PSPC1: variants seen among roughly 807,000 people sequenced by gnomAD.
PSPC1 encodes the protein paraspeckle component 1, also known as paraspeckle protein 1.
Under a neutral mutation model 51.6 loss-of-function variants are expected in PSPC1, and 14 were observed. That is an observed-to-expected ratio of 0.27 (90% CI 0.18 to 0.42). The LOEUF is 0.42. Ranked by LOEUF, PSPC1 falls within the 10% of genes least tolerant of loss-of-function variation. PSPC1 has a pLI of 1.00. For synonymous variants in PSPC1, 193 were observed against 231.9 expected, an observed-to-expected ratio of 0.83 and a Z score of 1.53; for missense variants, 406 against 701.1, an observed-to-expected ratio of 0.58 and a Z score of 4.75.
At chr13:19,781,919 T>A (rs920997154) in intron 1 of PSPC1, among the ~76,000 whole-genome samples, 22 of 152,160 alleles carry the variant, frequency 1.4e-4, no homozygotes, top group African/African-American at 5.1e-4. Flanking sequence ...CAGTGATACG[T>A]CTGGTCCGAC....
intron 6 of PSPC1, among the ~76,000 whole-genome samples, chr13:19,725,894 T>C (rs1310345470): frequency 3.3e-5 from 5 of 152,110 alleles, no homozygotes; most frequent in Non-Finnish European, 5.9e-5. Context: ...TATGCAGTGG[T>C]AGGCAACTGT....
At chr13:19,671,945 ATTC>A (rs942964516), downstream of PSPC1, 4 of 1,488,528 alleles carry the variant, frequency 2.7e-6, no homozygotes, top group Non-Finnish European at 3.7e-6. Context: ...GCAGTTTGGA[ATTC>A]TTCTAGCACA....
intron 5 of PSPC1, among the ~76,000 whole-genome samples, chr13:19,739,876 A>C (rs1176300924): frequency 6.6e-6 from 1 of 151,982 alleles, no homozygotes; most frequent in South Asian, 2.1e-4. Flanking sequence ...AAAAAAAAAA[A>C]AAAAACAGTA....
At position 19,682,827 on chromosome 13, in the gene PSPC1, C is replaced by T. The variant is rs74972923; in HGVS notation, c.1159-5004G>A. Among the ~76,000 whole-genome samples, 62 of 151,726 alleles carry T rather than the reference C, an allele frequency of 4.1e-4. 1 individual carries two copies. The East Asian group carries it at 9.3e-3, about 23-fold the overall frequency. ...GTATAATCCCAGCATTCTGGAAGGC[C>T]GAGGTGGGAGAATCACTTGAGCCCA... On this transcript the variant is annotated intron_variant and NMD_transcript_variant, in intron 6 of 7. Coordinates refer to the PSPC1 transcript ENST00000471658.
At chr13:19,762,536 G>T (rs1887693761) in intron 2 of PSPC1, among the ~76,000 whole-genome samples, 1 of 151,392 alleles carries the variant, frequency 6.6e-6, no homozygotes, top group Non-Finnish European at 1.5e-5. Flanking sequence ...CTCCAGCCAG[G>T]ATGATACAAC....
chr13:19,687,263 T>C (rs1274157071), intron 6 of PSPC1, among the ~76,000 whole-genome samples: 1 of 152,176 alleles, frequency 6.6e-6, no homozygotes, highest in Non-Finnish European at 1.5e-5. Context: ...TTCTTTGGGA[T>C]GTGCATTTCT....
At chr13:19,722,930 T>C (rs915426853) in intron 6 of PSPC1, among the ~76,000 whole-genome samples, 1 of 152,096 alleles carries the variant, frequency 6.6e-6, no homozygotes, top group African/African-American at 2.4e-5. Flanking sequence ...GCCAACATGG[T>C]GAAACCCCAT....
At chr13:19,699,988 A>G (rs1879710292), downstream of PSPC1, among the ~76,000 whole-genome samples, 1 of 152,002 alleles carries the variant, frequency 6.6e-6, no homozygotes. Flanking sequence ...GATGTGGCCC[A>G]TTTATTTTTC....
At chr13:19,730,969 A>AAAAAAAAAAC (rs1884023220) in intron 5 of PSPC1, among the ~76,000 whole-genome samples, 2 of 146,608 alleles carry the variant, frequency 1.4e-5, no homozygotes, top group African/African-American at 5.0e-5. Flanking sequence ...AAAAAACAAA[A>AAAAAAAAAAC]AAAAAAAAAA....
chr13:19,770,264 G>C (rs1249925206), intron 2 of PSPC1, among the ~76,000 whole-genome samples: 1 of 152,206 alleles, frequency 6.6e-6, no homozygotes, highest in Non-Finnish European at 1.5e-5. Flanking sequence ...GTAGAGTGCA[G>C]AATAACTGTA....
At chr13:19,737,100 C>CT (rs1884925105) in intron 5 of PSPC1, 2 of 152,142 alleles carry the variant, frequency 1.3e-5, no homozygotes, top group Non-Finnish European at 2.9e-5. Context: ...TTCACCCCTC[C>CT]TTAGGTAACC....
chr13:19,752,881 C>G (rs1886704833), intron 3 of PSPC1, among the ~76,000 whole-genome samples: 1 of 151,954 alleles, frequency 6.6e-6, no homozygotes, highest in South Asian at 2.1e-4. Context: ...CCACCGTGCC[C>G]AGCCTTTCTT....
chr13:19,733,238 G>C (rs146799325), intron 5 of PSPC1, among the ~76,000 whole-genome samples: 172 of 152,312 alleles, frequency 1.1e-3, no homozygotes, highest in African/African-American at 3.8e-3. Flanking sequence ...TGTTACAGAG[G>C]TGGATTACTA....
chr13:19,745,651 G>T (rs1368614207), intron 4 of PSPC1, among the ~76,000 whole-genome samples: 1 of 142,322 alleles, frequency 7.0e-6, no homozygotes, highest in Non-Finnish European at 1.5e-5. Flanking sequence ...TGGGAGTCTC[G>T]CTCTGTCGCC....
intron 4 of PSPC1, among the ~76,000 whole-genome samples, chr13:19,747,398 T>G (rs1383493798): frequency 6.6e-6 from 1 of 152,130 alleles, no homozygotes; most frequent in Non-Finnish European, 1.5e-5. Context: ...GTGGCATAAT[T>G]ACAGCTCACT....
downstream of PSPC1, among the ~76,000 whole-genome samples, chr13:19,700,800 T>C (rs1457418026): frequency 6.6e-6 from 1 of 152,148 alleles, no homozygotes; most frequent in Non-Finnish European, 1.5e-5. Context: ...ATATGACAAC[T>C]TCACACTTAC....
intron 6 of PSPC1, among the ~76,000 whole-genome samples, chr13:19,729,962 A>C (rs576331060): frequency 3.9e-5 from 6 of 152,224 alleles, no homozygotes; most frequent in Non-Finnish European, 8.8e-5. Context: ...AATGATGTAT[A>C]TATCAAGATT....
Position 19,741,619 on chromosome 13 carries a change from C to T in PSPC1, c.998G>A (p.Arg333His), listed in dbSNP as rs778803294. ...CTCTTGGTTTCTGAGTTCTTCCAAGCGTCTGAGTTCTTCTTGACGCCTCAT... is the reference window on the plus strand; with the variant it reads ...CTCTTGGTTTCTGAGTTCTTCCAAGTGTCTGAGTTCTTCTTGACGCCTCAT... ...DLMRRQEELR[R>H]LEELRNQELQ... The change falls in exon 5 of 9, where the codon CGC becomes CAC. Residue 333 changes from arginine to histidine, a missense_variant. By Grantham distance (29) the Arg-to-His change is conservative (BLOSUM62 0). Coordinates refer to ENST00000338910, the MANE Select transcript of PSPC1 (RefSeq NM_001354909.2). 4 of 1,605,864 alleles carry T rather than the reference C, an allele frequency of 2.5e-6. No homozygotes were observed. The highest frequency in any genetic ancestry group is 1.7e-5 in the Admixed American group (1 of 59,354).
intron 5 of PSPC1, among the ~76,000 whole-genome samples, chr13:19,733,229 G>A (rs1420268832): frequency 5.3e-5 from 8 of 152,196 alleles, no homozygotes; most frequent in South Asian, 2.1e-4. Flanking sequence ...AAACACATCT[G>A]TTACAGAGGT....
Sources: allele counts gnomAD v4.1 joint callset (sites outside exome capture counted in the v4.1 genomes callset), GRCh38; gene constraint gnomAD v4.1.1; transcripts MANE v1.5; gene names NCBI Gene and HGNC (gene_info 2026-07-23, HGNC 2026-07-21).